CASK: variants seen among roughly 807,000 people sequenced by gnomAD.
The protein encoded by CASK is peripheral plasma membrane protein CASK.
A neutral mutation model predicts 82.9 loss-of-function variants in CASK; 4 were observed. The ratio of observed to expected loss-of-function variants is 0.05; its 90% CI spans 0.02 to 0.11. The LOEUF (loss-of-function observed/expected upper bound fraction) is 0.11. Ranked by LOEUF, CASK falls within the 10% of genes least tolerant of loss-of-function variation. CASK has a pLI of 1.00. For missense variants in CASK, 358 were observed against 720.9 expected, an observed-to-expected ratio of 0.50 and a Z score of 5.76; for synonymous variants, 259 against 253.5, an observed-to-expected ratio of 1.02 and a Z score of -0.20.
chrX:41,902,451 T>A (rs2072400933), intron 1 of CASK, among the ~76,000 whole-genome samples: 1 of 111,536 alleles, frequency 9.0e-6, no homozygotes, highest in Non-Finnish European at 1.9e-5. Context: ...TGTCTCCTTT[T>A]ACTTACTTTG....
intron 2 of CASK, among the ~76,000 whole-genome samples, chrX:41,846,385 G>T (rs1030316669): frequency 6.0e-4 from 60 of 100,470 alleles, no homozygotes; most frequent in African/African-American, 2.1e-3. Flanking sequence ...AATAATTGAA[G>T]TCAGGAGGAT....
chrX:41,820,910 T>C (rs2070524077), intron 2 of CASK, among the ~76,000 whole-genome samples: 1 of 111,259 alleles, frequency 9.0e-6, no homozygotes, highest in Admixed American at 9.5e-5. Flanking sequence ...CCCATGAATC[T>C]CAACCCTTAC....
At chrX:41,540,995 G>A (rs2064939484) in intron 22 of CASK, among the ~76,000 whole-genome samples, 2 of 112,164 alleles carry the variant, frequency 1.8e-5, no homozygotes, top group Non-Finnish European at 3.8e-5. Flanking sequence ...CTAGGTGTAA[G>A]TTAATTTCAA....
chrX:41,798,648 A>G (rs904648372), intron 2 of CASK, among the ~76,000 whole-genome samples: 1 of 112,257 alleles, frequency 8.9e-6, no homozygotes, highest in Non-Finnish European at 1.9e-5. Context: ...TAGCCTGGAC[A>G]ACATGGTGAA....
chrX:41,602,273 C>T (rs1038815162), intron 12 of CASK, among the ~76,000 whole-genome samples: 2 of 111,668 alleles, frequency 1.8e-5, no homozygotes, highest in Non-Finnish European at 3.8e-5. Flanking sequence ...TTATTTAGAT[C>T]TTTCTTTCAT....
At chrX:41,711,158 G>A (rs2067971170) in intron 5 of CASK, among the ~76,000 whole-genome samples, 1 of 111,616 alleles carries the variant, frequency 9.0e-6, no homozygotes, top group East Asian at 2.8e-4. Flanking sequence ...TAAAGGTGGG[G>A]GCCAGTCTTG....
At chrX:41,859,375 C>A (rs1358571405) in intron 1 of CASK, among the ~76,000 whole-genome samples, 1 of 111,390 alleles carries the variant, frequency 9.0e-6, no homozygotes, top group Admixed American at 9.5e-5. Flanking sequence ...TGGTAAAATT[C>A]ACTTATAACC....
chrX:41,816,805 A>T (rs1021005878), intron 2 of CASK, among the ~76,000 whole-genome samples: 2 of 111,853 alleles, frequency 1.8e-5, no homozygotes, highest in East Asian at 2.8e-4. Context: ...CTCACTTAAG[A>T]CGAAATAAAC....
intron 1 of CASK, among the ~76,000 whole-genome samples, chrX:41,859,964 T>C (rs1450245750): frequency 1.8e-5 from 2 of 111,348 alleles, no homozygotes; most frequent in Admixed American, 1.9e-4. Flanking sequence ...GAGAATAAAC[T>C]GTGTGTATTC....
At chrX:41,535,519 C>G (rs759051594) in intron 22 of CASK, among the ~76,000 whole-genome samples, 1 of 109,799 alleles carries the variant, frequency 9.1e-6, no homozygotes, top group African/African-American at 3.3e-5. Context: ...ATGCTAGATT[C>G]TAAGGCAAGT....
At chrX:41,749,056 G>A (rs745843590) in intron 3 of CASK, among the ~76,000 whole-genome samples, 2 of 111,156 alleles carry the variant, frequency 1.8e-5, no homozygotes, top group Non-Finnish European at 3.8e-5. Flanking sequence ...AGGCCGAGGC[G>A]GGCGGATAGC....
At chrX:41,711,114 T>TAGGTGA (rs1304051646) in intron 5 of CASK, among the ~76,000 whole-genome samples, 1 of 111,321 alleles carries the variant, frequency 9.0e-6, no homozygotes, top group African/African-American at 3.3e-5. Flanking sequence ...GTCAGAAGCA[T>TAGGTGA]AGGTGACACA....
At chrX:41,533,248 A>G (rs990454684) in intron 24 of CASK, among the ~76,000 whole-genome samples, 1 of 112,406 alleles carries the variant, frequency 8.9e-6, no homozygotes, top group Non-Finnish European at 1.9e-5. Flanking sequence ...TTTAAAACCA[A>G]ACTAGTTAAC....
intron 5 of CASK, among the ~76,000 whole-genome samples, chrX:41,713,452 T>C (rs1438244663): frequency 8.9e-6 from 1 of 112,394 alleles, no homozygotes; most frequent in Non-Finnish European, 1.9e-5. Flanking sequence ...AAATGCCAAG[T>C]GGTGTACCCT....
chrX:41,701,832 C>T (rs2067798111), intron 5 of CASK, among the ~76,000 whole-genome samples: 1 of 112,216 alleles, frequency 8.9e-6, no homozygotes, highest in Admixed American at 9.4e-5. Flanking sequence ...AGGTGCTTCC[C>T]ATGCATTATC....
chrX:41,572,044 T>C (rs1490845457), intron 15 of CASK, among the ~76,000 whole-genome samples: 3 of 111,083 alleles, frequency 2.7e-5, no homozygotes, highest in Non-Finnish European at 3.8e-5. Flanking sequence ...CAGCTACCTT[T>C]TGATTAATGT....
chrX:41,697,747 G>A (rs772371456), intron 5 of CASK: 2 of 111,139 alleles, frequency 1.8e-5, no homozygotes, highest in South Asian at 7.5e-4. Flanking sequence ...ATTGCAAAAG[G>A]GTATGTACTG....
At position 41,531,145 on chromosome X, in the gene CASK, G is replaced by A. The variant is rs1348397781; in HGVS notation, c.2382C>T (p.Asp794=). ...NGKNYYFVSH[D]QMMQDISNNE... is the part of the protein sequence containing the mutation. ...TATTAGAGATGTCTTGCATCATTTG[G>A]TCATGAGATACAAAGTAATAATTCT... Residue 794 remains aspartate (D), a synonymous_variant, in exon 25 of 27, where the codon GAC becomes GAT. Transcript: ENST00000378163. 8.3e-7 allele frequency: 1 copy of A among 1,209,071 alleles called. No homozygotes were observed. Among genetic ancestry groups the A allele is most frequent in the Non-Finnish European group, 1.1e-6 (1 of 892,999 alleles).
At chrX:41,817,655 A>C (rs1186336673) in intron 2 of CASK, among the ~76,000 whole-genome samples, 2 of 111,178 alleles carry the variant, frequency 1.8e-5, no homozygotes, top group Non-Finnish European at 3.8e-5. Flanking sequence ...GAATTTTTGG[A>C]CTAGAGAGCT....
Sources: gnomAD v4.1 joint callset for allele counts (sites outside exome capture counted in the v4.1 genomes callset) on GRCh38, gnomAD v4.1.1 for gene constraint, MANE v1.5 for transcripts, NCBI Gene and HGNC (gene_info 2026-07-23, HGNC 2026-07-21) for gene names.